GUCA1C: variants seen among roughly 807,000 people sequenced by gnomAD.
GUCA1C encodes guanylyl cyclase-activating protein 3.
A neutral mutation model predicts 16.2 loss-of-function variants in GUCA1C; 15 were observed. The observed-to-expected ratio is 0.93, with a 90% CI of 0.62 to 1.43. GUCA1C has a LOEUF of 1.43. GUCA1C is among the 40% of genes most tolerant of loss of function. The pLI, the probability that GUCA1C is intolerant of heterozygous loss-of-function variation, is 0.00. For missense variants in GUCA1C, 275 were observed against 244.8 expected (o/e 1.12, Z -0.82); for synonymous variants, 78 against 85.4 (o/e 0.91, Z 0.48).
At chr3:108,943,228 G>C (rs528280655) in intron 1 of GUCA1C, among the ~76,000 whole-genome samples, 1 of 152,106 alleles carries the variant, frequency 6.6e-6, no homozygotes, top group South Asian at 2.1e-4. Flanking sequence ...GCCAGGTATC[G>C]AGGGGGAGTG....
rs141793319 is a variant in GUCA1C at position 108,938,859 on chromosome 3, C to A, written c.204+14700G>T. 2.6e-3 allele frequency among the ~76,000 whole-genome samples: 390 copies of A among 152,276 alleles called. 4 individuals are homozygous for A. Among genetic ancestry groups the A allele is most frequent in the African/African-American group, 9.0e-3 (374 of 41,556 alleles). On this transcript the variant is annotated intron_variant, in intron 1 of 3. Coordinates refer to ENST00000261047, the MANE Select transcript of GUCA1C (RefSeq NM_005459.4). The stretch of plus-strand genomic sequence containing the variant: ...TCTCATAATATTTACCAAATGAGCT[C>A]TTGATTATTAATAGGTTTTCTGGAT...
chr3:108,954,347 TAAAG>T (rs1410882395), upstream of GUCA1C, among the ~76,000 whole-genome samples: 1 of 152,074 alleles, frequency 6.6e-6, no homozygotes, highest in Non-Finnish European at 1.5e-5. Flanking sequence ...GAAAAATAGG[TAAAG>T]AGAATTAAAT....
At chr3:108,920,373 T>C in intron 2 of GUCA1C, 63 bp downstream of exon 2, 1 of 1,261,638 alleles carries the variant, frequency 7.9e-7, no homozygotes, top group Non-Finnish European at 1.2e-6. Context: ...ACCTACTCCA[T>C]AGGAAGGGAA....
rs10933973 is a variant in GUCA1C at position 108,916,126 on chromosome 3, C to A, written c.442+1G>T. On this transcript the variant is annotated splice_donor_variant, in intron 3 of 3. Coordinates refer to ENST00000261047, the MANE Select transcript of GUCA1C (RefSeq NM_005459.4). LOFTEE classifies it high-confidence loss of function. The stretch of plus-strand genomic sequence containing the variant: ...GATCCAGTAGAGAGTAGCTCCATTA[C>A]CATCATTGTTTATATCGATCTTATG... 0.31 allele frequency: 493,377 copies of A among 1,610,080 alleles called. 77,200 individuals carry two copies. The highest frequency in any genetic ancestry group is 0.33 in the Admixed American group (19,717 of 59,870).
Position 108,946,779 on chromosome 3 carries a change from A to G in GUCA1C, c.204+6780T>C, listed in dbSNP as rs571240921. On this transcript the variant is annotated intron_variant, in intron 1 of 3. Coordinates refer to ENST00000261047, the MANE Select transcript of GUCA1C (RefSeq NM_005459.4). ...CCCTAATGAATCATTGGCATGAAAA[A>G]GGAAGAAGACGATTAGAGAACTATT... is the stretch of plus-strand genomic sequence containing the variant. Among the ~76,000 whole-genome samples the G allele has an allele frequency of 8.5e-5, 13 of 152,158 alleles. No homozygotes were observed. In the South Asian group the frequency reaches 1.2e-3, roughly 15 times the overall value.
In GUCA1C at chr3:108,922,190, CACACACACACACAT is replaced by C. The variant is rs1368510361; in HGVS notation, c.205-1619_205-1606del. Among the ~76,000 whole-genome samples the C allele has an allele frequency of 9.2e-3, 396 of 43,192 alleles. 1 individual carries two copies. The highest frequency in any genetic ancestry group is 0.037 in the Middle Eastern group (3 of 80). The allele number at this position is 43,192 out of a possible 152,430, so 28.3% of individuals were successfully genotyped here. ...ACACACACACACACACACACACACA[CACACACACACACAT>C]ATATATATGGATAATTTTCTTTATC... On this transcript the variant is annotated intron_variant, in intron 1 of 3. Transcript: ENST00000261047.
intron 3 of GUCA1C, among the ~76,000 whole-genome samples, chr3:108,913,617 TC>T (rs1350892277): frequency 2.0e-5 from 3 of 152,162 alleles, no homozygotes; most frequent in African/African-American, 7.2e-5. Flanking sequence ...TCCAGCTGTC[TC>T]ATGATGAAAC....
In GUCA1C at chr3:108,908,098, C is replaced by G. The variant is rs140265807; in HGVS notation, c.554G>C (p.Gly185Ala). The change falls in exon 4 of 4, where the codon GGG becomes GCG. Residue 185 changes from glycine (G) to alanine (A), a missense_variant. Transcript: ENST00000261047. ...FSNVLRVICN[G>A]KQPDMETDSS... is the part of the protein sequence containing the mutation. Reference sequence around the variant, plus strand: ...GTCTGTCTCCATGTCTGGCTGCTTCCCATTACAGATTACTCTCAGCACATT... The same window carrying G: ...GTCTGTCTCCATGTCTGGCTGCTTCGCATTACAGATTACTCTCAGCACATT... 3.3e-5 allele frequency: 54 copies of G among 1,613,674 alleles called. No homozygotes were observed. In the African/African-American group the frequency reaches 6.8e-4, roughly 20 times the overall value.
In GUCA1C at chr3:108,920,609, G is replaced by T. The variant is rs189644319; in HGVS notation, c.205-24C>A. On this transcript the variant is annotated intron_variant, in intron 1 of 3. Coordinates refer to ENST00000261047, the MANE Select transcript of GUCA1C (RefSeq NM_005459.4). ...TCCTATGGAAAGTAAGATGAAAAGA[G>T]AAATAAATATTTAAGAAGAATAATT... 147 of 1,300,432 alleles carry T rather than the reference G, an allele frequency of 1.1e-4. 1 individual carries two copies. The highest frequency in any genetic ancestry group is 2.4e-4 in the Middle Eastern group (1 of 4,222). 80.6% of individuals were successfully genotyped at this position (1,300,432 alleles called of 1,614,324 possible). A position where few individuals can be genotyped will look rare whatever the true frequency, so the allele number is the denominator to read the frequency against.
rs1256089696 is a variant in GUCA1C at position 108,939,324 on chromosome 3, C to T, written c.204+14235G>A. On this transcript the variant is annotated intron_variant, in intron 1 of 3. Transcript: ENST00000261047. The stretch of plus-strand genomic sequence containing the variant: ...TGTTAATATATTACTTGCTTCAAGG[C>T]TTTTTTTTTTTTTTTTTTTTTTTTT... 8.8e-3 allele frequency among the ~76,000 whole-genome samples: 288 copies of T among 32,816 alleles called. 1 individual carries two copies. The highest frequency in any genetic ancestry group is 0.038 in the Middle Eastern group (2 of 52). 21.5% of individuals were successfully genotyped at this position (32,816 alleles called of 152,430 possible).
chr3:108,948,036 G>C (rs78947600), intron 1 of GUCA1C, among the ~76,000 whole-genome samples: 2,287 of 152,186 alleles, frequency 0.015, 51 homozygotes, highest in African/African-American at 0.052. Flanking sequence ...TCTGCATATA[G>C]CTGTTGATCT....
chr3:108,916,299 T>C (rs1946511593), intron 2 of GUCA1C, 85 bp from the exon 3 acceptor site: 2 of 1,345,890 alleles, frequency 1.5e-6, no homozygotes, highest in Admixed American at 4.0e-5. Flanking sequence ...GTGACAGAAT[T>C]TGGGGATGTG....
intron 1 of GUCA1C, among the ~76,000 whole-genome samples, chr3:108,941,174 A>G (rs568953894): frequency 1.1e-4 from 16 of 152,240 alleles, no homozygotes; most frequent in Non-Finnish European, 2.4e-4. Context: ...ATCATTATTC[A>G]AATCCCACAG....
At chr3:108,913,315 G>A (rs753970156) in intron 3 of GUCA1C, among the ~76,000 whole-genome samples, 24 of 151,982 alleles carry the variant, frequency 1.6e-4, no homozygotes, top group Non-Finnish European at 2.8e-4. Flanking sequence ...CAATGCTGAT[G>A]TTTTGATAAC....
At chr3:108,908,365 A>C (rs12107459) in intron 3 of GUCA1C, among the ~76,000 whole-genome samples, 156 bp from the exon 4 acceptor site, 88 of 152,174 alleles carry the variant, frequency 5.8e-4, no homozygotes, top group African/African-American at 2.1e-3. Flanking sequence ...ACAAAAAAAA[A>C]AAAAAAAAGC....
chr3:108,908,030 T>C lies in GUCA1C; in HGVS notation c.622A>G (p.Met208Val). ...PDKAGLGKVK[M>V]K ...GACAGGTATTCTCACAGCTACTTCA[T>C]TTTCACCTTCCCTAGACCAGCCTTG... The change falls in exon 4 of 4, where the codon ATG (methionine) becomes GTG (valine). Residue 208 changes from methionine (M) to valine (V), a missense_variant. By Grantham distance (21) the Met-to-Val change is conservative (BLOSUM62 1). Coordinates refer to ENST00000261047, the MANE Select transcript of GUCA1C (RefSeq NM_005459.4). 6.2e-7 allele frequency: 1 copy of C among 1,611,030 alleles called. No homozygotes were observed. The highest frequency in any genetic ancestry group is 8.5e-7 in the Non-Finnish European group (1 of 1,178,606).
intron 3 of GUCA1C, among the ~76,000 whole-genome samples, chr3:108,911,388 T>C (rs1384809116): frequency 6.6e-6 from 1 of 152,158 alleles, no homozygotes; most frequent in Non-Finnish European, 1.5e-5. Flanking sequence ...TCAGCCTGTG[T>C]AGAGGATTTT....
intron 1 of GUCA1C, among the ~76,000 whole-genome samples, chr3:108,930,536 T>C (rs1209060025): frequency 2.0e-5 from 3 of 152,244 alleles, no homozygotes; most frequent in African/African-American, 7.2e-5. Context: ...AAACTTATTA[T>C]ACTTTTATTT....
intron 1 of GUCA1C, among the ~76,000 whole-genome samples, chr3:108,940,620 T>A (rs891797824): frequency 1.3e-5 from 2 of 152,010 alleles, no homozygotes; most frequent in African/African-American, 4.8e-5. Flanking sequence ...TTAAGAAAAA[T>A]TAAAAACAAG....
Sources: gnomAD v4.1 joint callset for allele counts (sites outside exome capture counted in the v4.1 genomes callset) on GRCh38, gnomAD v4.1.1 for gene constraint, MANE v1.5 for transcripts, NCBI Gene and HGNC (gene_info 2026-07-23, HGNC 2026-07-21) for gene names.